Variants in VMP1 observed in about 807,000 individuals in gnomAD.
The protein encoded by VMP1 is vacuole membrane protein 1.
In VMP1, 11 loss-of-function variants were observed where a neutral mutation model predicts 56.0. The ratio of observed to expected loss-of-function variants is 0.20; its 90% CI spans 0.12 to 0.32. VMP1 has a LOEUF of 0.32. VMP1 is among the 10% of genes least tolerant of loss of function. VMP1 has a pLI of 1.00. For synonymous variants in VMP1, 149 were observed against 165.0 expected (o/e 0.90, Z 0.74); for missense variants, 296 against 490.3 (o/e 0.60, Z 3.74).
chr17:59,741,660 A>C (rs1010028275), intron 5 of VMP1, among the ~76,000 whole-genome samples: 71 of 152,300 alleles, frequency 4.7e-4, no homozygotes, highest in African/African-American at 1.7e-3. Context: ...TAAGATATAA[A>C]TATATATAGT....
intron 5 of VMP1, among the ~76,000 whole-genome samples, chr17:59,742,991 A>G (rs1598323908): frequency 6.6e-6 from 1 of 152,288 alleles, no homozygotes; most frequent in South Asian, 2.1e-4. Flanking sequence ...CTGGTGCCCA[A>G]AAGGTTGGGG....
intron 10 of VMP1, among the ~76,000 whole-genome samples, chr17:59,824,975 A>G (rs2144294207): frequency 6.6e-6 from 1 of 151,780 alleles, no homozygotes; most frequent in East Asian, 1.9e-4. Flanking sequence ...ATTCTCAGGA[A>G]TTTGAGTCCA....
At chr17:59,832,324 G>A (rs2038836086) in intron 10 of VMP1, among the ~76,000 whole-genome samples, 1 of 150,312 alleles carries the variant, frequency 6.7e-6, no homozygotes, top group African/African-American at 2.5e-5. Flanking sequence ...CATCACACCT[G>A]GCTAATTTTT....
At chr17:59,804,024 C>T (rs1396169075) in intron 7 of VMP1, among the ~76,000 whole-genome samples, 3 of 150,566 alleles carry the variant, frequency 2.0e-5, no homozygotes, top group South Asian at 2.1e-4. Flanking sequence ...TAACAATATA[C>T]GTAGAATAAA....
intron 1 of VMP1, among the ~76,000 whole-genome samples, chr17:59,722,060 C>A (rs187000160): frequency 6.6e-6 from 1 of 152,214 alleles, no homozygotes; most frequent in East Asian, 1.9e-4. Flanking sequence ...GACGTGAGTC[C>A]TTATTAGAGT....
chr17:59,710,872 A>G (rs189678613), intron 1 of VMP1, among the ~76,000 whole-genome samples: 20 of 152,260 alleles, frequency 1.3e-4, no homozygotes, highest in Admixed American at 3.9e-4. Context: ...GGAGTTTGAG[A>G]CTAGCCTGTC....
intron 5 of VMP1, among the ~76,000 whole-genome samples, chr17:59,740,078 AAAAAAAAAAAAG>A (rs1396642331): frequency 7.3e-6 from 1 of 137,806 alleles, no homozygotes; most frequent in Non-Finnish European, 1.5e-5. Context: ...CTCCGTCTCA[AAAAAAAAAAAAG>A]AAAAAGAAAA....
intron 5 of VMP1, among the ~76,000 whole-genome samples, chr17:59,758,474 C>T (rs2035927900): frequency 6.6e-6 from 1 of 152,068 alleles, no homozygotes; most frequent in South Asian, 2.1e-4. Flanking sequence ...ATCCCTTGAA[C>T]TGAGTTTGAG....
At chr17:59,837,401 G>A (rs1281570656) in intron 10 of VMP1, among the ~76,000 whole-genome samples, 1 of 152,078 alleles carries the variant, frequency 6.6e-6, no homozygotes, top group East Asian at 1.9e-4. Flanking sequence ...TTTCTAAGTT[G>A]CCCCAAGCTA....
intron 5 of VMP1, among the ~76,000 whole-genome samples, chr17:59,759,903 G>GTTTTTTTTTTTTTTT (rs58618508): frequency 1.0e-5 from 1 of 97,952 alleles, no homozygotes; most frequent in African/African-American, 3.0e-5. Context: ...GTTTTTTGGT[G>GTTTTTTTTTTTTTTT]TTTTTTTTTT....
chr17:59,839,713 A>G (rs1466622381), intron 11 of VMP1, 55 bp from the exon 12 acceptor site: 33 of 1,552,540 alleles, frequency 2.1e-5, no homozygotes, highest in Non-Finnish European at 2.8e-5. Context: ...TCCTCTTTTT[A>G]CTACTGAACT....
rs2039176970 is a variant in VMP1, at chr17:59,842,184, AT to A, written c.*2276del. 6.6e-6 allele frequency: 1 copy of A among 152,172 alleles called. No individual in the cohort carries two copies. Among genetic ancestry groups the A allele is most frequent in the African/African-American group, 2.4e-5 (1 of 41,452 alleles). 9.4% of individuals were successfully genotyped at this position (152,172 alleles called of 1,614,324 possible). ...ATTCCAGCTGATGGGAGACCAAAGA[AT>A]TTGCAAGTGGATGGTTTGGTATCAC... On this transcript the variant is annotated 3_prime_UTR_variant, in exon 12 of 12. Transcript: ENST00000262291.
intron 5 of VMP1, among the ~76,000 whole-genome samples, chr17:59,746,912 G>A (rs1031615965): frequency 6.6e-6 from 1 of 152,126 alleles, no homozygotes; most frequent in East Asian, 1.9e-4. Flanking sequence ...TTGCAAATAA[G>A]CTTTTTTTCT....
At chr17:59,777,214 G>A (rs755816848) in intron 7 of VMP1, among the ~76,000 whole-genome samples, 5 of 151,954 alleles carry the variant, frequency 3.3e-5, no homozygotes, top group Admixed American at 6.6e-5. Flanking sequence ...TTACACCTTC[G>A]TTTTGCTTGA....
Position 59,801,148 on chromosome 17 carries a change from G to GTGTGTGTGTA in VMP1, c.715-7647_715-7646insGTGTGTGTAT, listed in dbSNP as rs1439842519. Among the ~76,000 whole-genome samples the GTGTGTGTGTA allele has an allele frequency of 8.1e-4, 110 of 136,328 alleles. 1 individual carries two copies. Among genetic ancestry groups the GTGTGTGTGTA allele is most frequent in the Middle Eastern group, 3.9e-3 (1 of 256 alleles). The allele number at this position is 136,328 out of a possible 152,430, so 89.4% of individuals were successfully genotyped here. ...TGTGTGTGTGTGTGTGTGTGTGTGT[G>GTGTGTGTGTA]TATGGCACATACAGTTATATATAGT... On this transcript the variant is annotated intron_variant, in intron 7 of 11. Coordinates refer to ENST00000262291, the MANE Select transcript of VMP1 (RefSeq NM_030938.5).
chr17:59,733,241 C>T (rs1018125477), intron 2 of VMP1, among the ~76,000 whole-genome samples: 3 of 151,818 alleles, frequency 2.0e-5, no homozygotes, highest in East Asian at 1.9e-4. Flanking sequence ...TTCCATTGTA[C>T]GAGTGTGCTG....
At chr17:59,808,250 A>C (rs974199672) in intron 7 of VMP1, among the ~76,000 whole-genome samples, 1 of 152,224 alleles carries the variant, frequency 6.6e-6, no homozygotes, top group Admixed American at 6.5e-5. Flanking sequence ...AATATCCACT[A>C]TACCTACATA....
At chr17:59,763,931 T>G (rs2036145340) in intron 5 of VMP1, among the ~76,000 whole-genome samples, 1 of 152,220 alleles carries the variant, frequency 6.6e-6, no homozygotes, top group Non-Finnish European at 1.5e-5. Context: ...GGCTGCTAGT[T>G]ACTGTATGCT....
At chr17:59,766,982 A>G (rs1488347505) in intron 6 of VMP1, among the ~76,000 whole-genome samples, 2 of 152,020 alleles carry the variant, frequency 1.3e-5, no homozygotes, top group African/African-American at 4.8e-5. Context: ...GGATTTCTCC[A>G]TGTTGGGCAG....
Sources: gnomAD v4.1 joint callset for allele counts (sites outside exome capture counted in the v4.1 genomes callset) on GRCh38, gnomAD v4.1.1 for gene constraint, MANE v1.5 for transcripts, NCBI Gene and HGNC (gene_info 2026-07-23, HGNC 2026-07-21) for gene names.